Variants in CDH4 observed in about 807,000 individuals in gnomAD.
CDH4 encodes the protein cadherin 4, also known as cadherin-4.
CDH4 carries 33 observed loss-of-function variants against 86.0 expected under a neutral mutation model. The observed-to-expected ratio is 0.38, with a 90% CI of 0.29 to 0.51. CDH4 has a LOEUF of 0.51. Ranked by LOEUF, CDH4 falls within the 20% of genes least tolerant of loss-of-function variation. The pLI is 0.86. For synonymous variants in CDH4, 555 were observed against 549.4 expected, an observed-to-expected ratio of 1.01 and a Z score of -0.14; for missense variants, 1,114 against 1,307.4, an observed-to-expected ratio of 0.85 and a Z score of 2.28.
At chr20:61,288,817 T>C (rs2084306454) in intron 2 of CDH4, among the ~76,000 whole-genome samples, 1 of 152,216 alleles carries the variant, frequency 6.6e-6, no homozygotes. Flanking sequence ...ATAAGCAGGT[T>C]TGGCTTTTAT....
At chr20:61,831,878 T>G (rs1359618670) in intron 4 of CDH4, among the ~76,000 whole-genome samples, 1 of 152,264 alleles carries the variant, frequency 6.6e-6, no homozygotes. Context: ...GAGAGGCTCA[T>G]GGCTTCCAGA....
intron 2 of CDH4, among the ~76,000 whole-genome samples, chr20:61,375,310 T>G (rs1201351419): frequency 6.6e-6 from 1 of 152,160 alleles, no homozygotes; most frequent in African/African-American, 2.4e-5. Context: ...GCAGTGCTGA[T>G]GGAGGTGATG....
intron 2 of CDH4, among the ~76,000 whole-genome samples, chr20:61,387,337 G>C (rs1311511824): frequency 3.4e-5 from 5 of 145,610 alleles, no homozygotes; most frequent in South Asian, 2.2e-4. Flanking sequence ...AACACACACA[G>C]AGGCACACAT....
At chr20:61,549,686 T>C (rs2145670999) in intron 2 of CDH4, among the ~76,000 whole-genome samples, 1 of 152,246 alleles carries the variant, frequency 6.6e-6, no homozygotes, top group Non-Finnish European at 1.5e-5. Flanking sequence ...TCCGGGATGT[T>C]ATGTGCACCG....
intron 2 of CDH4, among the ~76,000 whole-genome samples, chr20:61,311,082 T>C (rs2084442950): frequency 6.6e-6 from 1 of 152,108 alleles, no homozygotes; most frequent in Non-Finnish European, 1.5e-5. Flanking sequence ...TTCCATCAGA[T>C]CCATACAGTG....
At chr20:61,482,970 T>C (rs1275886882) in intron 2 of CDH4, among the ~76,000 whole-genome samples, 1 of 152,140 alleles carries the variant, frequency 6.6e-6, no homozygotes, top group Non-Finnish European at 1.5e-5. Context: ...TGGAAGATGG[T>C]AGAGCCAGGA....
At chr20:61,445,039 G>A (rs901983268) in intron 2 of CDH4, among the ~76,000 whole-genome samples, 5 of 152,104 alleles carry the variant, frequency 3.3e-5, no homozygotes, top group Admixed American at 2.0e-4. Flanking sequence ...CTCTGTGTGC[G>A]TGCACGCATG....
At chr20:61,837,832 C>T (rs1266755613) in intron 4 of CDH4, among the ~76,000 whole-genome samples, 5 of 152,168 alleles carry the variant, frequency 3.3e-5, no homozygotes, top group Non-Finnish European at 7.3e-5. Flanking sequence ...TCCTCCTCCT[C>T]ATGCTCTGGA....
rs149922495 is a variant in CDH4, at chr20:61,820,000, C to T, written c.577-24668C>T. Among the ~76,000 whole-genome samples, 201 of 152,326 alleles carry T rather than the reference C, an allele frequency of 1.3e-3. 1 individual carries two copies. Among genetic ancestry groups the T allele is most frequent in the African/African-American group, 4.4e-3 (185 of 41,582 alleles). ...AGCCAAGCCCAGGGGTGGCCACCTC[C>T]TGACTTTTCCCGGGGACCGTGTCTG... On this transcript the variant is annotated intron_variant, in intron 4 of 15. Transcript: ENST00000614565.
chr20:61,864,434 G>A (rs1227972407), intron 6 of CDH4, among the ~76,000 whole-genome samples: 1 of 152,220 alleles, frequency 6.6e-6, no homozygotes, highest in Non-Finnish European at 1.5e-5. Context: ...CGAACATCCT[G>A]CCACTTGGAG....
chr20:61,355,453 A>G (rs1016416002), intron 2 of CDH4, among the ~76,000 whole-genome samples: 2 of 152,164 alleles, frequency 1.3e-5, no homozygotes, highest in South Asian at 2.1e-4. Flanking sequence ...TCTCGTGGAA[A>G]TTTCTGGATC....
At chr20:61,844,899 C>T (rs1982366630) in intron 5 of CDH4, 76 bp downstream of exon 5, 3 of 1,430,126 alleles carry the variant, frequency 2.1e-6, no homozygotes, top group Admixed American at 2.0e-5. Context: ...GCAGGTGCCC[C>T]CAGCAGGGCC....
At chr20:61,780,379 G>A (rs1285212611) in intron 4 of CDH4, among the ~76,000 whole-genome samples, 2 of 152,094 alleles carry the variant, frequency 1.3e-5, no homozygotes, top group Non-Finnish European at 2.9e-5. Context: ...AAGGGGCCAG[G>A]GCACCCACTT....
chr20:61,662,723 G>C (rs1323918965), intron 2 of CDH4, among the ~76,000 whole-genome samples: 1 of 152,206 alleles, frequency 6.6e-6, no homozygotes, highest in Non-Finnish European at 1.5e-5. Flanking sequence ...GGCCAACACA[G>C]GGCGGCTCAC....
chr20:61,533,309 A>T (rs894705236), intron 2 of CDH4, among the ~76,000 whole-genome samples: 1 of 152,102 alleles, frequency 6.6e-6, no homozygotes, highest in Non-Finnish European at 1.5e-5. Context: ...CAGCACGGGG[A>T]AGGATCGGAC....
At chr20:61,876,293 G>A (rs1336858731) in intron 7 of CDH4, among the ~76,000 whole-genome samples, 1 of 152,244 alleles carries the variant, frequency 6.6e-6, no homozygotes. Context: ...GGGGCCAAAA[G>A]GGCAGTGGGG....
chr20:61,383,873 G>A (rs1260532905), intron 2 of CDH4, among the ~76,000 whole-genome samples: 1 of 86,628 alleles, frequency 1.2e-5, no homozygotes, highest in East Asian at 2.7e-4. Flanking sequence ...GCGTATATAT[G>A]AAGATATATG....
At chr20:61,870,634 C>T (rs1012677505) in intron 6 of CDH4, among the ~76,000 whole-genome samples, 7 of 152,142 alleles carry the variant, frequency 4.6e-5, no homozygotes, top group East Asian at 1.9e-4. Context: ...CCGGGGGCCA[C>T]GGGTGGAGGG....
At chr20:61,383,125 G>T (rs1279200534) in intron 2 of CDH4, among the ~76,000 whole-genome samples, 10 of 77,262 alleles carry the variant, frequency 1.3e-4, no homozygotes, top group Admixed American at 6.4e-4. Context: ...GAATATATAT[G>T]AATATATTAT....
Sources: gnomAD v4.1 joint callset for allele counts (sites outside exome capture counted in the v4.1 genomes callset) on GRCh38, gnomAD v4.1.1 for gene constraint, MANE v1.5 for transcripts, NCBI Gene and HGNC (gene_info 2026-07-23, HGNC 2026-07-21) for gene names.